TMED8: variants seen among roughly 807,000 people sequenced by gnomAD.
The protein encoded by TMED8 is protein TMED8.
In TMED8, 15 loss-of-function variants were observed where a neutral mutation model predicts 32.7. The ratio of observed to expected loss-of-function variants is 0.46; its 90% CI spans 0.31 to 0.71. The LOEUF (loss-of-function observed/expected upper bound fraction) is 0.71, where lower values mean the gene tolerates loss of function less well. Among genes scored for constraint, TMED8 ranks in the 30% least tolerant of loss-of-function variants. The probability of loss-of-function intolerance (pLI) is 0.06; values close to 1 mark genes in which losing one functional copy is unlikely to be tolerated. For synonymous variants in TMED8, 147 were observed against 161.4 expected, an observed-to-expected ratio of 0.91 and a Z score of 0.68; for missense variants, 390 against 423.9, an observed-to-expected ratio of 0.92 and a Z score of 0.70.
chr14:77,339,225 C>A lies in TMED8; in HGVS notation c.*2546G>T, dbSNP rs1296814006. On this transcript the variant is annotated 3_prime_UTR_variant, in exon 6 of 6. Coordinates refer to ENST00000216468, the MANE Select transcript of TMED8 (RefSeq NM_213601.3). ...GTGAATTAGACAGTGAAAATATCTT[C>A]TTTTAGCTATTTTGTGCTAATGGAA... The A allele has an allele frequency of 6.6e-6, 1 of 152,172 alleles. No homozygotes were observed. The highest frequency in any genetic ancestry group is 1.5e-5 in the Non-Finnish European group (1 of 68,026). The allele number at this position is 152,172 out of a possible 1,614,324, so 9.4% of individuals were successfully genotyped here.
chr14:77,339,680 C>T lies in TMED8; in HGVS notation c.*2091G>A, dbSNP rs551114194. The T allele has an allele frequency of 6.6e-6, 1 of 152,238 alleles. No individual in the cohort carries two copies. Among genetic ancestry groups the T allele is most frequent in the African/African-American group, 2.4e-5 (1 of 41,466 alleles). The allele number at this position is 152,238 out of a possible 1,614,324, so 9.4% of individuals were successfully genotyped here. A position where few individuals can be genotyped will look rare whatever the true frequency, so the allele number is the denominator to read the frequency against. On this transcript the variant is annotated 3_prime_UTR_variant, in exon 6 of 6. Transcript: ENST00000216468. ...TGACACACAGCAAATCAGCTCTTCA[C>T]TGCCTCAACAGACAGTCACTAAAAT... is the stretch of plus-strand genomic sequence containing the variant.
intron 1 of TMED8, among the ~76,000 whole-genome samples, chr14:77,354,146 T>C (rs1374949860): frequency 1.3e-5 from 2 of 152,160 alleles, no homozygotes; most frequent in African/African-American, 4.8e-5. Flanking sequence ...ATGAACAACT[T>C]TTCCAGGTGT....
At chr14:77,367,686 ACTTT>A (rs1342752938) in intron 1 of TMED8, among the ~76,000 whole-genome samples, 1 of 150,172 alleles carries the variant, frequency 6.7e-6, no homozygotes, top group East Asian at 1.9e-4. Context: ...AGGTTTGTTA[ACTTT>A]CTTTCTTTTT....
At chr14:77,346,556 A>G (rs1184004233) in intron 2 of TMED8, 78 bp from the exon 3 acceptor site, 1 of 1,585,736 alleles carries the variant, frequency 6.3e-7, no homozygotes, top group South Asian at 1.1e-5. Context: ...TTGAAATAAA[A>G]CAACATTCGA....
chr14:77,357,991 G>C (rs1893329646), intron 1 of TMED8, among the ~76,000 whole-genome samples: 2 of 151,850 alleles, frequency 1.3e-5, no homozygotes, highest in South Asian at 4.1e-4. Flanking sequence ...GGGCATGGTG[G>C]CACACATCTG....
chr14:77,375,214 C>T (rs1160370574), intron 1 of TMED8, among the ~76,000 whole-genome samples: 1 of 151,790 alleles, frequency 6.6e-6, no homozygotes, highest in Non-Finnish European at 1.5e-5. Context: ...TATAATAAAC[C>T]CCTACATGAC....
intron 5 of TMED8, among the ~76,000 whole-genome samples, chr14:77,342,535 G>A (rs570303307): frequency 6.6e-6 from 1 of 152,222 alleles, no homozygotes; most frequent in South Asian, 2.1e-4. Flanking sequence ...CACGTTAAAG[G>A]ACTGACTTTA....
intron 3 of TMED8, among the ~76,000 whole-genome samples, chr14:77,345,204 C>T (rs559568877): frequency 6.6e-6 from 1 of 152,270 alleles, no homozygotes; most frequent in South Asian, 2.1e-4. Context: ...TCAGGCTGGT[C>T]TCGAACCCCT....
intron 2 of TMED8, 52 bp downstream of exon 2, chr14:77,351,621 T>A: frequency 6.7e-7 from 1 of 1,499,380 alleles, no homozygotes; most frequent in Non-Finnish European, 9.1e-7. Flanking sequence ...TTTCACCAGT[T>A]CCTCATCTCA....
chr14:77,369,552 T>G (rs945665416), intron 1 of TMED8, among the ~76,000 whole-genome samples: 3 of 152,174 alleles, frequency 2.0e-5, no homozygotes, highest in African/African-American at 7.2e-5. Flanking sequence ...GTTACTTTAG[T>G]TCAAAGAGGC....
chr14:77,344,737 T>C (rs906598079), intron 3 of TMED8, among the ~76,000 whole-genome samples: 1 of 152,230 alleles, frequency 6.6e-6, no homozygotes, highest in East Asian at 1.9e-4. Context: ...GAGGCTGGAA[T>C]TGTATTTGTG....
At chr14:77,362,608 C>G (rs1422229127) in intron 1 of TMED8, among the ~76,000 whole-genome samples, 1 of 151,902 alleles carries the variant, frequency 6.6e-6, no homozygotes, top group Non-Finnish European at 1.5e-5. Flanking sequence ...AACAAAATAG[C>G]AGAAGTAAGT....
chr14:77,375,092 A>T (rs897897969), intron 1 of TMED8, among the ~76,000 whole-genome samples: 7 of 152,252 alleles, frequency 4.6e-5, no homozygotes, highest in South Asian at 2.1e-4. Context: ...GAAAATATAA[A>T]TTTTTTTCCA....
intron 1 of TMED8, among the ~76,000 whole-genome samples, chr14:77,352,405 A>G (rs564349214): frequency 7.2e-6 from 1 of 139,268 alleles, no homozygotes; most frequent in South Asian, 2.3e-4. Context: ...CAACAGCAAA[A>G]CTCCGTCTCA....
At chr14:77,370,742 AGT>A (rs33940271) in intron 1 of TMED8, among the ~76,000 whole-genome samples, 36,942 of 149,974 alleles carry the variant, frequency 0.25, 4,944 homozygotes, top group African/African-American at 0.35. Flanking sequence ...TATAAAAAAA[AGT>A]GTGTGTGTGT....
chr14:77,341,041 A>G lies in TMED8; in HGVS notation c.*730T>C, dbSNP rs568779952. On this transcript the variant is annotated 3_prime_UTR_variant, in exon 6 of 6. Coordinates refer to ENST00000216468, the MANE Select transcript of TMED8 (RefSeq NM_213601.3). ...ACTGCCAGTGCCCATAGTAAGGGAA[A>G]CCAGCTCTTGGAATAGGAAATAATG... is the stretch of plus-strand genomic sequence containing the variant. The G allele has an allele frequency of 6.6e-6, 1 of 152,254 alleles. No individual in the cohort carries two copies. The highest frequency in any genetic ancestry group is 1.9e-4 in the East Asian group (1 of 5,188). The allele number at this position is 152,254 out of a possible 1,614,324, so 9.4% of individuals were successfully genotyped here.
chr14:77,346,294 G>A, intron 3 of TMED8, 55 bp downstream of exon 3: 2 of 1,590,860 alleles, frequency 1.3e-6, no homozygotes, highest in Admixed American at 1.8e-5. Flanking sequence ...CAACCACTAT[G>A]TGTCCACATT....
chr14:77,343,261 A>T lies in TMED8; in HGVS notation c.677T>A (p.Val226Glu). The T allele has an allele frequency of 6.2e-7, 1 of 1,614,194 alleles. No individual in the cohort carries two copies. Among genetic ancestry groups the T allele is most frequent in the African/African-American group, 1.3e-5 (1 of 75,044 alleles). The change falls in exon 5 of 6, where the codon GTA becomes GAA. Residue 226 changes from valine to glutamate, a missense_variant. Coordinates refer to ENST00000216468, the MANE Select transcript of TMED8 (RefSeq NM_213601.3). ...CTGCACAGTTATGTCAGTGCTAGTT[A>T]CAGGGGTCCAGTCAAAATAAACTCC... ...GFGVYFDWTP[V>E]TSTDITVQVS...
intron 1 of TMED8, among the ~76,000 whole-genome samples, chr14:77,358,308 CT>C (rs113410027): frequency 2.3e-4 from 33 of 145,372 alleles, no homozygotes; most frequent in Non-Finnish European, 2.6e-4. Context: ...CAGGATTTTT[CT>C]TTTTTTTTTT....
Sources: gnomAD v4.1 joint callset for allele counts (sites outside exome capture counted in the v4.1 genomes callset) on GRCh38, gnomAD v4.1.1 for gene constraint, MANE v1.5 for transcripts, NCBI Gene and HGNC (gene_info 2026-07-23, HGNC 2026-07-21) for gene names.